The following NUB1 variants were observed in gnomAD, a reference collection of about 807,000 sequenced individuals.
The protein encoded by NUB1 is NEDD8 ultimate buster 1.
NUB1 carries 41 observed loss-of-function variants against 77.1 expected under a neutral mutation model. The observed-to-expected ratio is 0.53, with a 90% confidence interval of 0.41 to 0.69. NUB1 has a LOEUF of 0.69. Ranked by LOEUF, NUB1 falls within the 30% of genes least tolerant of loss-of-function variation. The pLI is 0.00. For missense variants in NUB1, 643 were observed against 743.8 expected, an observed-to-expected ratio of 0.86 and a Z score of 1.58; for synonymous variants, 257 against 281.0, an observed-to-expected ratio of 0.91 and a Z score of 0.85.
intron 2 of NUB1, among the ~76,000 whole-genome samples, chr7:151,348,174 G>A (rs1315183346): frequency 6.6e-6 from 1 of 152,132 alleles, no homozygotes; most frequent in African/African-American, 2.4e-5. Flanking sequence ...TTTTTTTGGG[G>A]AGGAACCATA....
chr7:151,345,022 C>T (rs887373524), intron 1 of NUB1, among the ~76,000 whole-genome samples: 12 of 152,086 alleles, frequency 7.9e-5, no homozygotes, highest in African/African-American at 1.4e-4. Context: ...AAGAAGTTCA[C>T]GACTCGAGGG....
intron 7 of NUB1, among the ~76,000 whole-genome samples, chr7:151,359,054 G>C (rs1797229405): frequency 6.6e-6 from 1 of 151,142 alleles, no homozygotes; most frequent in African/African-American, 2.4e-5. Context: ...GACAGAGCGA[G>C]ACTCTGTCTC....
intron 11 of NUB1, among the ~76,000 whole-genome samples, chr7:151,369,897 C>T (rs535253256): frequency 1.9e-3 from 282 of 152,224 alleles, no homozygotes; most frequent in African/African-American, 6.5e-3. Context: ...AGGAAAGCCC[C>T]GTGGTTGTTT....
chr7:151,365,690 T>C (rs1797639954), intron 8 of NUB1, among the ~76,000 whole-genome samples: 1 of 152,252 alleles, frequency 6.6e-6, no homozygotes, highest in South Asian at 2.1e-4. Context: ...TCCACATCTG[T>C]GTGTCTGCGT....
chr7:151,374,917 G>T (rs1798139393), intron 12 of NUB1, among the ~76,000 whole-genome samples: 1 of 152,160 alleles, frequency 6.6e-6, no homozygotes, highest in African/African-American at 2.4e-5. Context: ...GGAGGCAGGG[G>T]GCTGGCTGTG....
Position 151,355,824 on chromosome 7 carries a change from C to G in NUB1, c.472C>G (p.Leu158Val). The G allele has an allele frequency of 6.2e-7, 1 of 1,610,646 alleles. No homozygotes were observed. Residue 158 changes from leucine (L) to valine (V), a missense_variant, in exon 6 of 15, where the codon CTA becomes GTA. By Grantham distance (32) the Leu-to-Val change is conservative. Coordinates refer to ENST00000568733, the MANE Select transcript of NUB1 (RefSeq NM_001243351.2). The part of the protein sequence containing the change: ...AHNVKAMVLE[L>V]KQSEEDARKN... ...CAATGTGAAAGCGATGGTGCTTGAA[C>G]TAAAACAATCTGAAGAGGACGCGAG...
At chr7:151,362,240 G>A (rs1327089543) in intron 8 of NUB1, among the ~76,000 whole-genome samples, 5 of 149,896 alleles carry the variant, frequency 3.3e-5, no homozygotes, top group Admixed American at 1.3e-4. Flanking sequence ...AGTAGAGAAA[G>A]TTTTTTTTTT....
chr7:151,376,005 C>T, intron 13 of NUB1, 62 bp downstream of exon 13: 1 of 1,060,544 alleles, frequency 9.4e-7, no homozygotes, highest in East Asian at 2.4e-5. Flanking sequence ...CTTGGGGTAA[C>T]CCGGGTGAAT....
intron 10 of NUB1, among the ~76,000 whole-genome samples, chr7:151,368,456 C>T (rs916473574): frequency 4.6e-5 from 7 of 152,222 alleles, no homozygotes; most frequent in Admixed American, 6.5e-5. Flanking sequence ...AGCTGAAATT[C>T]GGGGGCTTTT....
rs770935329 is a variant in NUB1 at position 151,374,078 on chromosome 7, CT to C, written c.1249-16del. 1.5e-5 allele frequency: 23 copies of C among 1,546,872 alleles called. No homozygotes were observed. Among genetic ancestry groups the C allele is most frequent in the Non-Finnish European group, 1.9e-5 (22 of 1,144,502 alleles). Reference sequence around the variant, plus strand: ...TCTCAGTCCCTAACTTGGGATGGGACTTTGCTGTTTTCCTAAAGGAACTGGC... The same window carrying C: ...TCTCAGTCCCTAACTTGGGATGGGACTTGCTGTTTTCCTAAAGGAACTGGC... On this transcript the variant is annotated intron_variant, in intron 11 of 14. Coordinates refer to ENST00000568733, the MANE Select transcript of NUB1 (RefSeq NM_001243351.2).
intron 2 of NUB1, among the ~76,000 whole-genome samples, chr7:151,348,720 C>T (rs571174453): frequency 1.3e-5 from 2 of 151,902 alleles, no homozygotes; most frequent in South Asian, 4.2e-4. Flanking sequence ...GGCCTACAGG[C>T]ACACGCCACC....
intron 4 of NUB1, chr7:151,352,043 G>T (rs1275923449): frequency 6.6e-6 from 3 of 455,794 alleles, no homozygotes; most frequent in Admixed American, 2.4e-5. Context: ...TAGCTAGCGG[G>T]TGTATTTCTT....
intron 3 of NUB1, among the ~76,000 whole-genome samples, chr7:151,350,630 C>T (rs190533527): frequency 2.0e-5 from 3 of 152,208 alleles, no homozygotes; most frequent in Non-Finnish European, 4.4e-5. Flanking sequence ...ATACTACAAA[C>T]TAATAATGAT....
At chr7:151,370,358 G>A (rs1797899158) in intron 11 of NUB1, among the ~76,000 whole-genome samples, 1 of 152,078 alleles carries the variant, frequency 6.6e-6, no homozygotes, top group African/African-American at 2.4e-5. Flanking sequence ...CAAAGTGCTG[G>A]GATCACAGGT....
chr7:151,348,763 T>C (rs1185462709), intron 2 of NUB1, among the ~76,000 whole-genome samples: 2 of 151,930 alleles, frequency 1.3e-5, no homozygotes, highest in Non-Finnish European at 2.9e-5. Flanking sequence ...TAAGTAGTTA[T>C]GGGGTTTCAC....
Position 151,370,097 on chromosome 7 carries a change from C to CT in NUB1, c.1248+1224dup, listed in dbSNP as rs574995266. ...GGCAGAGACTTTGAAAAGCTGAGTTCTTTTTTTTTTTTTTATTCCAGAGTC... is the reference window on the plus strand; with the variant it reads ...GGCAGAGACTTTGAAAAGCTGAGTTCTTTTTTTTTTTTTTTATTCCAGAGTC... On this transcript the variant is annotated intron_variant, in intron 11 of 14. Coordinates refer to ENST00000568733, the MANE Select transcript of NUB1 (RefSeq NM_001243351.2). Among the ~76,000 whole-genome samples, 671 of 144,020 alleles carry CT rather than the reference C, an allele frequency of 4.7e-3. 4 individuals are homozygous for CT. Among genetic ancestry groups the CT allele is most frequent in the South Asian group, 0.02 (91 of 4,486 alleles). 94.5% of individuals were successfully genotyped at this position (144,020 alleles called of 152,430 possible). A position where few individuals can be genotyped will look rare whatever the true frequency, so the allele number is the denominator to read the frequency against.
chr7:151,354,501 A>T (rs142496469), intron 5 of NUB1, among the ~76,000 whole-genome samples: 1 of 152,206 alleles, frequency 6.6e-6, no homozygotes, highest in East Asian at 1.9e-4. Context: ...ATCTGTTTGC[A>T]TCTATGTTTA....
intron 1 of NUB1, among the ~76,000 whole-genome samples, chr7:151,342,356 T>C (rs546188462): frequency 6.6e-6 from 1 of 152,332 alleles, no homozygotes; most frequent in African/African-American, 2.4e-5. Flanking sequence ...AAAAAATGAA[T>C]GTGTCTTGAC....
chr7:151,359,584 C>T (rs1222221496), intron 7 of NUB1, among the ~76,000 whole-genome samples: 5 of 146,996 alleles, frequency 3.4e-5, no homozygotes. Flanking sequence ...TTGAGACCAG[C>T]CTGGCCAACA....
Sources: gnomAD v4.1 joint callset for allele counts (sites outside exome capture counted in the v4.1 genomes callset) on GRCh38, gnomAD v4.1.1 for gene constraint, MANE v1.5 for transcripts, NCBI Gene and HGNC (gene_info 2026-07-23, HGNC 2026-07-21) for gene names.